CDYL: variants seen among roughly 807,000 people sequenced by gnomAD.
CDYL encodes chromodomain Y like.
In CDYL, 8 loss-of-function variants were observed where a neutral mutation model predicts 47.3. That is an observed-to-expected ratio of 0.17 (90% CI 0.10 to 0.31). The LOEUF is 0.31. CDYL is among the 10% of genes least tolerant of loss of function. The pLI, the probability that CDYL is intolerant of heterozygous loss-of-function variation, is 1.00. For missense variants in CDYL, 471 were observed against 701.4 expected (o/e 0.67, Z 3.71); for synonymous variants, 266 against 265.0 (o/e 1.00, Z -0.04).
At chr6:4,876,385 T>C (rs1331408697) in intron 1 of CDYL, among the ~76,000 whole-genome samples, 2 of 152,188 alleles carry the variant, frequency 1.3e-5, no homozygotes, top group Admixed American at 1.3e-4. Context: ...ACAGGGTAGG[T>C]ATGTATTTAG....
intron 5 of CDYL, among the ~76,000 whole-genome samples, chr6:4,949,187 T>C (rs1758620242): frequency 6.6e-6 from 1 of 152,156 alleles, no homozygotes; most frequent in Non-Finnish European, 1.5e-5. Flanking sequence ...ATTCATGGAG[T>C]GCATGGAGGA....
chr6:4,785,182 G>A (rs1758723769), intron 1 of CDYL, among the ~76,000 whole-genome samples: 1 of 152,202 alleles, frequency 6.6e-6, no homozygotes, highest in South Asian at 2.1e-4. Context: ...ATACAGCCTA[G>A]GTGTGTAGTA....
chr6:4,826,665 T>A (rs888027710), intron 1 of CDYL, among the ~76,000 whole-genome samples: 1 of 152,210 alleles, frequency 6.6e-6, no homozygotes, highest in Non-Finnish European at 1.5e-5. Flanking sequence ...ATTTTCCCAT[T>A]TTTCTTTTGG....
chr6:4,946,889 C>G (rs775064526), intron 5 of CDYL, among the ~76,000 whole-genome samples: 6 of 152,208 alleles, frequency 3.9e-5, no homozygotes, highest in Non-Finnish European at 7.4e-5. Flanking sequence ...CTACTCAGCC[C>G]TGGCCTTTCA....
In CDYL at chr6:4,943,751, G is replaced by T; in HGVS notation, c.1327G>T (p.Ala443Ser). The change falls in exon 5 of 7, where the codon GCA becomes TCA. Residue 443 changes from alanine (A) to serine (S), a missense_variant. Physicochemically the swap from Ala to Ser is moderately conservative, Grantham distance 99. This residue lies in a region of CDYL where 103 missense variants were observed against 277.1 expected (regional missense o/e 0.37). Transcript: ENST00000397588. ...TVMFPKIMGGASANEMLLSGR... is the reference protein window; with the variant it reads ...TVMFPKIMGGSSANEMLLSGR... Reference sequence around the variant, plus strand: ...TATGTTTCCCAAGATAATGGGAGGAGCATCTGTGAGTACCTTTTTAAAAAA... The same window carrying T: ...TATGTTTCCCAAGATAATGGGAGGATCATCTGTGAGTACCTTTTTAAAAAA... 3 of 1,529,020 alleles carry T rather than the reference G, an allele frequency of 2.0e-6. No individual in the cohort carries two copies. The highest frequency in any genetic ancestry group is 2.7e-6 in the Non-Finnish European group (3 of 1,129,640). The allele number at this position is 1,529,020 out of a possible 1,614,324, so 94.7% of individuals were successfully genotyped here. A position where few individuals can be genotyped will look rare whatever the true frequency, so the allele number is the denominator to read the frequency against.
intron 1 of CDYL, among the ~76,000 whole-genome samples, chr6:4,849,997 A>C (rs1024818614): frequency 6.6e-6 from 1 of 152,172 alleles, no homozygotes; most frequent in African/African-American, 2.4e-5. Flanking sequence ...TAGCTGGGTG[A>C]CTTCATTTAA....
intron 1 of CDYL, among the ~76,000 whole-genome samples, chr6:4,815,746 G>A (rs952262541): frequency 6.2e-5 from 9 of 145,364 alleles, no homozygotes; most frequent in African/African-American, 2.3e-4. Context: ...TCTTCGATCA[G>A]GCAGTTGGCA....
chr6:4,953,874 C>G (rs1246692001), intron 6 of CDYL, 24 bp from the exon 7 acceptor site: 1 of 1,607,540 alleles, frequency 6.2e-7, no homozygotes, highest in Non-Finnish European at 8.5e-7. Flanking sequence ...ACCCTGCTAA[C>G]TGGCTGCTTG....
chr6:4,853,875 G>A (rs76645441), intron 1 of CDYL, among the ~76,000 whole-genome samples: 3,312 of 152,316 alleles, frequency 0.022, 128 homozygotes, highest in African/African-American at 0.076. Flanking sequence ...AGCTGGCCTC[G>A]TGTGCTCCCG....
At chr6:4,850,475 T>A (rs1192974050) in intron 1 of CDYL, among the ~76,000 whole-genome samples, 1 of 145,800 alleles carries the variant, frequency 6.9e-6, no homozygotes, top group Non-Finnish European at 1.5e-5. Context: ...TATTTTCCTA[T>A]TACTTACTCT....
chr6:4,840,429 C>G (rs946829956), intron 1 of CDYL, among the ~76,000 whole-genome samples: 2 of 152,108 alleles, frequency 1.3e-5, no homozygotes, highest in African/African-American at 4.8e-5. Flanking sequence ...CTGGCTATGA[C>G]TTGCAGTATG....
intron 3 of CDYL, among the ~76,000 whole-genome samples, chr6:4,751,097 C>T (rs1326608352): frequency 6.6e-6 from 1 of 152,058 alleles, no homozygotes; most frequent in African/African-American, 2.4e-5. Context: ...CCTCGTGATC[C>T]GCCCGCCTCG....
chr6:4,848,066 T>C (rs1305306544), intron 1 of CDYL, among the ~76,000 whole-genome samples: 1 of 152,210 alleles, frequency 6.6e-6, no homozygotes. Flanking sequence ...TATTACTGGC[T>C]TATGCTTTTG....
chr6:4,921,996 C>T (rs1757729607), intron 2 of CDYL, among the ~76,000 whole-genome samples: 2 of 152,132 alleles, frequency 1.3e-5, no homozygotes, highest in African/African-American at 2.4e-5. Flanking sequence ...TCGTTTTTCA[C>T]GTAGGTACCG....
intron 2 of CDYL, among the ~76,000 whole-genome samples, chr6:4,930,816 G>T (rs1758011543): frequency 6.6e-6 from 1 of 152,214 alleles, no homozygotes; most frequent in Non-Finnish European, 1.5e-5. Context: ...CGAATGTTAT[G>T]TTAATAAATC....
chr6:4,833,062 C>G (rs1319337328), intron 1 of CDYL, among the ~76,000 whole-genome samples: 2 of 147,194 alleles, frequency 1.4e-5, no homozygotes, highest in Non-Finnish European at 3.0e-5. Context: ...TTTTTTGTGT[C>G]TCTATTTCCT....
At chr6:4,729,865 C>CCACGAT (rs1477394741) in intron 2 of CDYL, among the ~76,000 whole-genome samples, 1 of 152,084 alleles carries the variant, frequency 6.6e-6, no homozygotes, top group Non-Finnish European at 1.5e-5. Context: ...TTGCAGTGAG[C>CCACGAT]CACGATCACG....
At chr6:4,759,463 T>C (rs898514096) in intron 3 of CDYL, among the ~76,000 whole-genome samples, 2 of 152,194 alleles carry the variant, frequency 1.3e-5, no homozygotes, top group African/African-American at 4.8e-5. Flanking sequence ...TATACAGATA[T>C]ACCATAATTT....
intron 5 of CDYL, among the ~76,000 whole-genome samples, chr6:4,950,808 T>A (rs962451110): frequency 6.6e-6 from 1 of 151,836 alleles, no homozygotes; most frequent in Non-Finnish European, 1.5e-5. Flanking sequence ...GGCGGGCGCC[T>A]GTAGTCCCAG....
Sources: allele counts gnomAD v4.1 joint callset (sites outside exome capture counted in the v4.1 genomes callset), GRCh38; gene constraint gnomAD v4.1.1; regional missense constraint gnomAD v4.1.1; transcripts MANE v1.5; gene names NCBI Gene and HGNC (gene_info 2026-07-23, HGNC 2026-07-21).